CAST: variants seen among roughly 807,000 people sequenced by gnomAD.
CAST encodes MIR583 host.
Under a neutral mutation model 119.6 loss-of-function variants are expected in CAST, and 76 were observed. That is an observed-to-expected ratio of 0.64 (90% confidence interval 0.53 to 0.77). The LOEUF (loss-of-function observed/expected upper bound fraction) is 0.77, where lower values mean the gene tolerates loss of function less well. CAST is among the 30% of genes least tolerant of loss of function. The probability of loss-of-function intolerance (pLI) is 0.00; values close to 1 mark genes in which losing one functional copy is unlikely to be tolerated. For missense variants in CAST, 953 were observed against 946.5 expected (o/e 1.01, Z -0.09); for synonymous variants, 319 against 331.6 (o/e 0.96, Z 0.41).
chr5:96,714,267 A>G (rs980314099), intron 3 of CAST, among the ~76,000 whole-genome samples: 5 of 152,228 alleles, frequency 3.3e-5, no homozygotes, highest in African/African-American at 1.2e-4. Flanking sequence ...ATTAGGCCTC[A>G]GGTCTATGGG....
chr5:96,038,528 C>G, the CAST span, among the ~76,000 whole-genome samples: 1 of 149,674 alleles, frequency 6.7e-6, no homozygotes, highest in Non-Finnish European at 1.5e-5. Context: ...TGTAGCCCCC[C>G]CACCCCCCGC....
intron 1 of CAST, among the ~76,000 whole-genome samples, chr5:96,578,468 T>C (rs1475759384): frequency 6.6e-6 from 1 of 152,040 alleles, no homozygotes; most frequent in Non-Finnish European, 1.5e-5. Context: ...CATTTTACTA[T>C]TTGTTTTCTG....
chr5:96,411,106 A>AT, the CAST span: 1 of 800,914 alleles, frequency 1.2e-6, no homozygotes, highest in Non-Finnish European at 2.2e-6. Context: ...TTTGGGATCT[A>AT]TTTTCAATTC....
the CAST span, among the ~76,000 whole-genome samples, chr5:96,364,608 C>T: frequency 2.6e-5 from 4 of 152,230 alleles, no homozygotes; most frequent in East Asian, 1.9e-4. Flanking sequence ...AGTTTGTTTG[C>T]GTAGAGCTGT....
At chr5:96,073,219 CTG>C in the CAST span, among the ~76,000 whole-genome samples, 2 of 152,102 alleles carry the variant, frequency 1.3e-5, no homozygotes, top group African/African-American at 4.8e-5. Context: ...AAAGAAAATT[CTG>C]TGTGTACAGA....
At chr5:96,411,378 T>C in the CAST span, among the ~76,000 whole-genome samples, 1 of 152,230 alleles carries the variant, frequency 6.6e-6, no homozygotes, top group Non-Finnish European at 1.5e-5. Flanking sequence ...AATGACAAAA[T>C]TAGGAATTAT....
chr5:96,095,292 A>C, the CAST span, among the ~76,000 whole-genome samples: 1 of 152,124 alleles, frequency 6.6e-6, no homozygotes. Flanking sequence ...AAGTGTTCTA[A>C]GGTAGAATTC....
At chr5:96,216,000 T>C in the CAST span, among the ~76,000 whole-genome samples, 6 of 151,668 alleles carry the variant, frequency 4.0e-5, no homozygotes, top group African/African-American at 1.5e-4. Context: ...TAGAGATGGG[T>C]TTTTTCCATG....
the CAST span, among the ~76,000 whole-genome samples, chr5:96,208,271 C>T: frequency 6.6e-6 from 1 of 151,534 alleles, no homozygotes; most frequent in Non-Finnish European, 1.5e-5. Context: ...TTTCAAATAG[C>T]CAACTTATGG....
chr5:96,563,786 C>T (rs535283730), intron 1 of CAST, among the ~76,000 whole-genome samples: 1 of 152,318 alleles, frequency 6.6e-6, no homozygotes, highest in Admixed American at 6.5e-5. Context: ...ACAGCCTCCT[C>T]CAACGAAGCC....
At chr5:96,672,706 C>CAAAAAAAA (rs11427288) in intron 1 of CAST, among the ~76,000 whole-genome samples, 5 of 59,152 alleles carry the variant, frequency 8.5e-5, no homozygotes, top group African/African-American at 1.2e-4. Context: ...GACTCAGTCT[C>CAAAAAAAA]AAAAAAAAAA....
the CAST span, among the ~76,000 whole-genome samples, chr5:96,229,767 T>A: frequency 6.6e-6 from 1 of 152,184 alleles, no homozygotes; most frequent in African/African-American, 2.4e-5. Context: ...CTTCTTTACA[T>A]AATATAAGAA....
At chr5:96,547,580 C>G (rs1280443254) in intron 1 of CAST, among the ~76,000 whole-genome samples, 1 of 152,226 alleles carries the variant, frequency 6.6e-6, no homozygotes, top group African/African-American at 2.4e-5. Flanking sequence ...TCTGGAAACA[C>G]CCTCACAGAC....
chr5:95,999,731 GT>G, the CAST span, among the ~76,000 whole-genome samples: 1 of 152,152 alleles, frequency 6.6e-6, no homozygotes, highest in African/African-American at 2.4e-5. Flanking sequence ...GATAGTCTTT[GT>G]GCAGATACAT....
the CAST span, among the ~76,000 whole-genome samples, chr5:96,424,346 T>C: frequency 6.6e-6 from 1 of 152,128 alleles, no homozygotes; most frequent in Non-Finnish European, 1.5e-5. Flanking sequence ...TGTACACAGA[T>C]TGTTGGCCAA....
the CAST span, among the ~76,000 whole-genome samples, chr5:96,055,159 C>T: frequency 6.6e-6 from 1 of 152,038 alleles, no homozygotes; most frequent in African/African-American, 2.4e-5. Flanking sequence ...TTTACTTCTC[C>T]TTTACCAGGT....
intron 1 of CAST, among the ~76,000 whole-genome samples, chr5:96,610,566 T>C (rs545444190): frequency 9.8e-5 from 15 of 152,292 alleles, no homozygotes; most frequent in African/African-American, 3.6e-4. Flanking sequence ...AACATCATAC[T>C]GAATGGACCA....
At chr5:96,051,897 AT>A in the CAST span, among the ~76,000 whole-genome samples, 7 of 152,342 alleles carry the variant, frequency 4.6e-5, no homozygotes, top group South Asian at 1.4e-3. Context: ...TCACAAAAGG[AT>A]TGAGTAAAAA....
At chr5:96,294,945 AG>A in the CAST span, among the ~76,000 whole-genome samples, 18 of 152,330 alleles carry the variant, frequency 1.2e-4, no homozygotes, top group Admixed American at 1.2e-3. Context: ...CACCTTACCC[AG>A]GCTACTGGGC....
Sources: allele counts gnomAD v4.1 joint callset (sites outside exome capture counted in the v4.1 genomes callset), GRCh38; gene constraint gnomAD v4.1.1; transcripts MANE v1.5; gene names NCBI Gene and HGNC (gene_info 2026-07-23, HGNC 2026-07-21).